ZNF223: variants seen among roughly 807,000 people sequenced by gnomAD.
ZNF223 encodes the protein zinc finger protein 223.
ZNF223 carries 9 observed loss-of-function variants against 12.3 expected under a neutral mutation model. The ratio of observed to expected loss-of-function variants is 0.73; its 90% CI spans 0.44 to 1.28. ZNF223 has a LOEUF of 1.28. Ranked by LOEUF, ZNF223 falls within the 50% of genes most tolerant of loss-of-function variation. The pLI is 0.00. For synonymous variants in ZNF223, 171 were observed against 195.2 expected (o/e 0.88, Z 1.03); for missense variants, 506 against 579.0 (o/e 0.87, Z 1.29).
intron 4 of ZNF223, among the ~76,000 whole-genome samples, chr19:44,061,106 C>T (rs1001213346): frequency 1.6e-4 from 25 of 152,170 alleles, no homozygotes; most frequent in African/African-American, 5.8e-4. Context: ...TTATGAAAGC[C>T]TCTTTAAGTT....
At chr19:44,058,448 C>G (rs1161352573) in intron 2 of ZNF223, among the ~76,000 whole-genome samples, 1 of 152,218 alleles carries the variant, frequency 6.6e-6, no homozygotes, top group Non-Finnish European at 1.5e-5. Context: ...ACAAGCAGCA[C>G]AGCCAGACCT....
intron 4 of ZNF223, 38 bp downstream of exon 4, chr19:44,060,879 T>G: frequency 6.4e-7 from 1 of 1,574,392 alleles, no homozygotes; most frequent in Non-Finnish European, 8.7e-7. Context: ...GTTTGTGACT[T>G]CCATCTGTTT....
At chr19:44,056,361 C>CAAAAAAAAAAA (rs1227362311) in intron 2 of ZNF223, among the ~76,000 whole-genome samples, 10 of 78,828 alleles carry the variant, frequency 1.3e-4, no homozygotes, top group Non-Finnish European at 2.1e-4. Flanking sequence ...ACTAAAAATA[C>CAAAAAAAAAAA]AAAAAAAAAA....
intron 2 of ZNF223, among the ~76,000 whole-genome samples, chr19:44,057,601 T>C (rs1433849390): frequency 6.6e-6 from 1 of 152,206 alleles, no homozygotes; most frequent in Non-Finnish European, 1.5e-5. Context: ...AAAACTCTTG[T>C]CATGTAAGAA....
chr19:44,064,462 T>C (rs906003921), intron 4 of ZNF223, among the ~76,000 whole-genome samples: 13 of 152,010 alleles, frequency 8.6e-5, no homozygotes, highest in Admixed American at 5.9e-4. Flanking sequence ...AACAGAAAAA[T>C]AAGATTAAGT....
intron 2 of ZNF223, among the ~76,000 whole-genome samples, chr19:44,057,401 G>A (rs922242032): frequency 6.6e-6 from 1 of 152,120 alleles, no homozygotes; most frequent in African/African-American, 2.4e-5. Flanking sequence ...ACTGATAATG[G>A]AAAATATGTG....
chr19:44,060,518 C>T lies in ZNF223; in HGVS notation c.79C>T (p.Leu27Phe), dbSNP rs1305231783. Reference protein sequence around the residue: ...FTEEELGLLDLAQRKLYRDVM... With the variant: ...FTEEELGLLDFAQRKLYRDVM... ...TGAGGAGGAGCTGGGGCTGCTGGAC[C>T]TTGCCCAGAGGAAGCTGTATCGAGA... The change falls in exon 3 of 5, where the codon CTT (leucine) becomes TTT (phenylalanine). Residue 27 changes from leucine (L) to phenylalanine (F), a missense_variant. Transcript: ENST00000434772. 6.2e-7 allele frequency: 1 copy of T among 1,614,132 alleles called. No individual in the cohort carries two copies. The highest frequency in any genetic ancestry group is 2.2e-5 in the East Asian group (1 of 44,876).
chr19:44,063,737 A>G (rs766371429), intron 4 of ZNF223, among the ~76,000 whole-genome samples: 2 of 152,170 alleles, frequency 1.3e-5, no homozygotes, highest in Non-Finnish European at 2.9e-5. Flanking sequence ...CTCACCGCTC[A>G]GCGACTTGTA....
chr19:44,065,240 C>G (rs2147479753), intron 4 of ZNF223, among the ~76,000 whole-genome samples: 1 of 152,282 alleles, frequency 6.6e-6, no homozygotes, highest in Non-Finnish European at 1.5e-5. Flanking sequence ...GTCCTGACCT[C>G]TTTTTAGTTA....
intron 2 of ZNF223, among the ~76,000 whole-genome samples, chr19:44,058,456 C>A (rs763288023): frequency 6.6e-6 from 1 of 152,198 alleles, no homozygotes; most frequent in Non-Finnish European, 1.5e-5. Context: ...CACAGCCAGA[C>A]CTTCCTGAAG....
At position 44,067,503 on chromosome 19, in the gene ZNF223, T is replaced by A. The variant is rs892978302; in HGVS notation, c.*226T>A. 1 of 614,750 alleles carries A rather than the reference T, an allele frequency of 1.6e-6. No individual in the cohort carries two copies. Among genetic ancestry groups the A allele is most frequent in the Non-Finnish European group, 2.9e-6 (1 of 341,036 alleles). The allele number at this position is 614,750 out of a possible 1,614,324, so 38.1% of individuals were successfully genotyped here. On this transcript the variant is annotated 3_prime_UTR_variant, in exon 5 of 5. Transcript: ENST00000434772. ...ACTTCTTCCTCTTATCTACCTGTACTTTTGCATCCATTAGCCAACCTTTGG... is the reference window on the plus strand; with the variant it reads ...ACTTCTTCCTCTTATCTACCTGTACATTTGCATCCATTAGCCAACCTTTGG...
chr19:44,054,356 T>C (rs775614238), intron 1 of ZNF223, among the ~76,000 whole-genome samples: 1 of 152,124 alleles, frequency 6.6e-6, no homozygotes, highest in Non-Finnish European at 1.5e-5. Flanking sequence ...TCCACTCTTA[T>C]GTTACTTTTT....
At chr19:44,055,077 G>A in intron 1 of ZNF223, 32 bp from the exon 2 acceptor site, 2 of 1,241,636 alleles carry the variant, frequency 1.6e-6, no homozygotes, top group Non-Finnish European at 2.3e-6. Flanking sequence ...ACCCTTTCAT[G>A]TCTCTTTTTC....
intron 2 of ZNF223, among the ~76,000 whole-genome samples, chr19:44,057,097 C>T (rs916174378): frequency 5.3e-5 from 8 of 152,118 alleles, no homozygotes; most frequent in African/African-American, 1.9e-4. Flanking sequence ...AGTGGTGATA[C>T]TCATTTATAA....
Position 44,066,986 on chromosome 19 carries a change from TCTTGA to T in ZNF223, c.1163_1167del (p.Asp388AlafsTer3), listed in dbSNP as rs1393579111. 5.6e-6 allele frequency: 9 copies of T among 1,613,056 alleles called. No homozygotes were observed. In the Admixed American group the frequency reaches 6.7e-5, roughly 12 times the overall value. ...GGAAGAGCTACATTACTAAGTCAGGTCTTGACTTGCACCATAGAGCCCACACAGGA... is the reference window on the plus strand; with the variant it reads ...GGAAGAGCTACATTACTAAGTCAGGTCTTGCACCATAGAGCCCACACAGGA... On this transcript the variant is annotated frameshift_variant, in exon 5 of 5. Transcript: ENST00000434772. LOFTEE classifies it low-confidence loss of function (END_TRUNC).
At chr19:44,056,982 A>G (rs1568512329) in intron 2 of ZNF223, among the ~76,000 whole-genome samples, 3 of 152,190 alleles carry the variant, frequency 2.0e-5, no homozygotes, top group South Asian at 4.1e-4. Flanking sequence ...AATCCAGAAT[A>G]AGAATCTTCT....
At chr19:44,058,140 G>A (rs146184971) in intron 2 of ZNF223, among the ~76,000 whole-genome samples, 1 of 152,300 alleles carries the variant, frequency 6.6e-6, no homozygotes, top group African/African-American at 2.4e-5. Context: ...AGCCCAGACT[G>A]TCAAAGGCAG....
intron 4 of ZNF223, 94 bp downstream of exon 4, chr19:44,060,935 A>G (rs1158277962): frequency 2.5e-6 from 3 of 1,221,470 alleles, no homozygotes; most frequent in Non-Finnish European, 2.4e-6. Flanking sequence ...TAAATGGCCA[A>G]ACATCTTTGC....
rs779355052 is a variant in ZNF223 at position 44,066,520 on chromosome 19, C to T, written c.692C>T (p.Pro231Leu). 31 of 1,614,074 alleles carry T rather than the reference C, an allele frequency of 1.9e-5. No homozygotes were observed. In the Admixed American group the frequency reaches 5.2e-4, roughly 27 times the overall value. ...THQRVHTGEK[P>L]FKCEQCGRGF... ...CAGAGAGTCCATACTGGAGAGAAACCTTTCAAATGTGAACAATGTGGGAGA... is the reference window on the plus strand; with the variant it reads ...CAGAGAGTCCATACTGGAGAGAAACTTTTCAAATGTGAACAATGTGGGAGA... The change falls in exon 5 of 5, where the codon CCT becomes CTT. Residue 231 changes from proline to leucine, a missense_variant. Pro to Leu is a moderately conservative substitution (Grantham distance 98, BLOSUM62 -3). Coordinates refer to ENST00000434772, the MANE Select transcript of ZNF223 (RefSeq NM_013361.6).
Sources: gnomAD v4.1 joint callset for allele counts (sites outside exome capture counted in the v4.1 genomes callset) on GRCh38, gnomAD v4.1.1 for gene constraint, MANE v1.5 for transcripts, NCBI Gene and HGNC (gene_info 2026-07-23, HGNC 2026-07-21) for gene names.